The following UNC13C variants were observed in gnomAD, a reference collection of about 807,000 sequenced individuals.
UNC13C encodes the protein protein unc-13 homolog C.
A neutral mutation model predicts 245.4 loss-of-function variants in UNC13C; 174 were observed. That is an observed-to-expected ratio of 0.71 (90% CI 0.63 to 0.80). UNC13C has a LOEUF of 0.80. UNC13C is among the 30% of genes least tolerant of loss of function. The pLI, the probability that UNC13C is intolerant of heterozygous loss-of-function variation, is 0.00. For synonymous variants in UNC13C, 992 were observed against 895.1 expected, an observed-to-expected ratio of 1.11 and a Z score of -1.93; for missense variants, 2,829 against 2,602.9, an observed-to-expected ratio of 1.09 and a Z score of -1.89.
intron 17 of UNC13C, among the ~76,000 whole-genome samples, chr15:54,366,273 C>T (rs965681166): frequency 3.3e-5 from 5 of 152,194 alleles, no homozygotes; most frequent in Non-Finnish European, 5.9e-5. Flanking sequence ...ATTTCCATAA[C>T]GTGGCAAAAT....
At chr15:54,306,579 C>T (rs532671265) in intron 13 of UNC13C, among the ~76,000 whole-genome samples, 12 of 151,866 alleles carry the variant, frequency 7.9e-5, no homozygotes, top group South Asian at 2.1e-4. Context: ...TGAACACATC[C>T]GGGGAATTCT....
At chr15:54,216,769 T>C (rs1567106354) in intron 4 of UNC13C, among the ~76,000 whole-genome samples, 1 of 152,008 alleles carries the variant, frequency 6.6e-6, no homozygotes, top group Non-Finnish European at 1.5e-5. Flanking sequence ...CATTTTTCCC[T>C]TGCCTCACAA....
chr15:54,280,225 A>G (rs968666173), intron 10 of UNC13C, among the ~76,000 whole-genome samples: 1 of 152,128 alleles, frequency 6.6e-6, no homozygotes, highest in Admixed American at 6.5e-5. Context: ...TCTACTGTAT[A>G]TAGGGGAATA....
chr15:54,543,684 A>G (rs2141170664), intron 26 of UNC13C, among the ~76,000 whole-genome samples: 1 of 152,318 alleles, frequency 6.6e-6, no homozygotes, highest in South Asian at 2.1e-4. Context: ...CAAATAAACT[A>G]GAAAATCTAG....
chr15:53,979,863 C>A (rs752400705), intron 1 of UNC13C, among the ~76,000 whole-genome samples: 2 of 151,916 alleles, frequency 1.3e-5, no homozygotes, highest in Non-Finnish European at 2.9e-5. Flanking sequence ...ATCATCTTAC[C>A]ACCTTTTGCT....
intron 4 of UNC13C, among the ~76,000 whole-genome samples, chr15:54,145,081 C>T (rs905735997): frequency 7.9e-5 from 12 of 151,662 alleles, no homozygotes; most frequent in African/African-American, 1.7e-4. Context: ...CATGAGCCAC[C>T]GTGCCTGGCA....
intron 25 of UNC13C, among the ~76,000 whole-genome samples, chr15:54,528,908 C>T (rs1267595187): frequency 6.6e-6 from 1 of 152,164 alleles, no homozygotes; most frequent in East Asian, 1.9e-4. Context: ...AAACAACATC[C>T]CCTTCATCAT....
intron 17 of UNC13C, among the ~76,000 whole-genome samples, chr15:54,392,751 G>A (rs1376117069): frequency 6.6e-6 from 1 of 151,796 alleles, no homozygotes; most frequent in Non-Finnish European, 1.5e-5. Context: ...TCATGAACTT[G>A]TAATCATCAG....
At chr15:54,577,555 G>A (rs918994739) in intron 30 of UNC13C, among the ~76,000 whole-genome samples, 8 of 152,266 alleles carry the variant, frequency 5.3e-5, no homozygotes, top group Admixed American at 4.6e-4. Flanking sequence ...GGAAGACTAC[G>A]TTCAGATATT....
intron 19 of UNC13C, among the ~76,000 whole-genome samples, chr15:54,449,710 A>T (rs144921330): frequency 2.6e-5 from 4 of 152,100 alleles, no homozygotes; most frequent in African/African-American, 9.7e-5. Context: ...CTTCTTTGCA[A>T]TGGGTTCAAA....
intron 24 of UNC13C, among the ~76,000 whole-genome samples, chr15:54,515,933 G>A (rs2141123324): frequency 6.6e-6 from 1 of 152,238 alleles, no homozygotes; most frequent in East Asian, 1.9e-4. Flanking sequence ...ATAAGTCCAG[G>A]CAGAATAGAG....
chr15:53,907,129 T>G, the UNC13C span, among the ~76,000 whole-genome samples: 2 of 152,190 alleles, frequency 1.3e-5, no homozygotes, highest in Non-Finnish European at 2.9e-5. Flanking sequence ...AGAACCCTAG[T>G]GCTATTCTGC....
chr15:54,380,377 T>C lies in UNC13C; in HGVS notation c.4714-12671T>C, dbSNP rs116639708. Among the ~76,000 whole-genome samples, 1,426 of 152,330 alleles carry C rather than the reference T, an allele frequency of 9.4e-3. 27 individuals are homozygous for C. The highest frequency in any genetic ancestry group is 0.033 in the African/African-American group (1,352 of 41,560). On this transcript the variant is annotated intron_variant, in intron 17 of 32. Transcript: ENST00000260323. The stretch of plus-strand genomic sequence containing the variant: ...TGGTTTTTATCCACTCATTCATTGA[T>C]AGCTACTTAAGTTGATTCCATATCT...
chr15:54,423,839 G>A (rs1389312165), intron 19 of UNC13C, among the ~76,000 whole-genome samples: 1 of 151,768 alleles, frequency 6.6e-6, no homozygotes, highest in African/African-American at 2.4e-5. Flanking sequence ...TTTCAGCCAT[G>A]TACCATCTGG....
At chr15:54,006,237 G>A (rs953547397) in intron 1 of UNC13C, among the ~76,000 whole-genome samples, 3 of 152,144 alleles carry the variant, frequency 2.0e-5, no homozygotes, top group East Asian at 1.9e-4. Context: ...AACAAAAGTA[G>A]CAGCAATGGG....
chr15:54,195,915 T>C, intron 4 of UNC13C, among the ~76,000 whole-genome samples: 1 of 152,152 alleles, frequency 6.6e-6, no homozygotes, highest in East Asian at 1.9e-4. Flanking sequence ...CAGCTTACTT[T>C]ACCACAACTG....
At chr15:54,356,361 G>GTT (rs144612246) in intron 17 of UNC13C, among the ~76,000 whole-genome samples, 2 of 149,770 alleles carry the variant, frequency 1.3e-5, no homozygotes, top group African/African-American at 4.9e-5. Context: ...CTCTAAAAGT[G>GTT]TTTTTTTTTT....
chr15:54,538,285 C>G (rs1200644354), intron 26 of UNC13C, among the ~76,000 whole-genome samples: 3 of 151,512 alleles, frequency 2.0e-5, no homozygotes, highest in Non-Finnish European at 4.4e-5. Flanking sequence ...AAAATCAAAG[C>G]CACAATGAGA....
chr15:54,133,501 C>T (rs1396293156), intron 2 of UNC13C, among the ~76,000 whole-genome samples: 1 of 152,084 alleles, frequency 6.6e-6, no homozygotes, highest in Admixed American at 6.6e-5. Context: ...ACTTTAATCC[C>T]ATTTATAGGG....
Sources: allele counts gnomAD v4.1 joint callset (sites outside exome capture counted in the v4.1 genomes callset), GRCh38; gene constraint gnomAD v4.1.1; transcripts MANE v1.5; gene names NCBI Gene and HGNC (gene_info 2026-07-23, HGNC 2026-07-21).